Variants in PRKD1 observed in about 807,000 individuals in gnomAD.
PRKD1 encodes the protein serine/threonine-protein kinase D1.
A neutral mutation model predicts 95.9 loss-of-function variants in PRKD1; 63 were observed. That is an observed-to-expected ratio of 0.66 (90% confidence interval 0.54 to 0.81). PRKD1 has a LOEUF of 0.81. Among genes scored for constraint, PRKD1 ranks in the 30% least tolerant of loss-of-function variants. PRKD1 has a pLI of 0.00. For synonymous variants in PRKD1, 425 were observed against 423.1 expected, an observed-to-expected ratio of 1.00 and a Z score of -0.05; for missense variants, 1,048 against 1,165.3, an observed-to-expected ratio of 0.90 and a Z score of 1.47.
rs1394287125 is a variant in PRKD1 at position 29,702,605 on chromosome 14, A to G, written c.403+22931T>C. On this transcript the variant is annotated intron_variant, in intron 2 of 17. Coordinates refer to ENST00000331968, the MANE Select transcript of PRKD1 (RefSeq NM_002742.3). ...GAATTTTGCAATAATACATTTATGG[A>G]AACTGTACTACCCTTCACTTCTAGA... 2.0e-5 allele frequency among the ~76,000 whole-genome samples: 3 copies of G among 152,016 alleles called. No individual in the cohort carries two copies. In the East Asian group the frequency reaches 5.8e-4, roughly 29 times the overall value.
In PRKD1 at chr14:29,624,174, C is replaced by G. The variant is rs369851896; in HGVS notation, c.1883G>C (p.Arg628Pro). 3 of 1,604,194 alleles carry G rather than the reference C, an allele frequency of 1.9e-6. No individual in the cohort carries two copies. ...TACCTGTAGAATTGCAACCTCATTA[C>G]GAAGCTGGCTTTCTTGTTTTGTTGG... ...RFPTKQESQL[R>P]NEVAILQNLH... Residue 628 changes from arginine (R) to proline (P), a missense_variant, in exon 13 of 18, where the codon CGT becomes CCT. Coordinates refer to ENST00000331968, the MANE Select transcript of PRKD1 (RefSeq NM_002742.3).
intron 1 of PRKD1, among the ~76,000 whole-genome samples, chr14:29,886,710 G>T (rs887981051): frequency 6.6e-6 from 1 of 152,136 alleles, no homozygotes; most frequent in Non-Finnish European, 1.5e-5. Context: ...CAAGGTAGAC[G>T]GCAGGATGTC....
intron 2 of PRKD1, among the ~76,000 whole-genome samples, chr14:29,721,332 T>G (rs1406393187): frequency 6.6e-6 from 1 of 152,202 alleles, no homozygotes. Flanking sequence ...TAACCTTAAG[T>G]GTAAGAAGGA....
rs374836726 is a variant in PRKD1 at position 29,578,050 on chromosome 14, G to A, written c.2520+225C>T. 5.3e-5 allele frequency among the ~76,000 whole-genome samples: 8 copies of A among 152,096 alleles called. No individual in the cohort carries two copies. The East Asian group carries it at 7.7e-4, about 15-fold the overall frequency. On this transcript the variant is annotated intron_variant, in intron 17 of 17. Transcript: ENST00000331968. ...TTGGTTTTGGGCTGTGTGTGTGTGT[G>A]TATATGCGTGCGTGTATCTCTTCTA...
chr14:29,862,779 T>G (rs2810042), intron 1 of PRKD1, among the ~76,000 whole-genome samples: 1 of 152,282 alleles, frequency 6.6e-6, no homozygotes, highest in Non-Finnish European at 1.5e-5. Flanking sequence ...CTTTGTCAGA[T>G]GGGTCATTTG....
At chr14:29,808,795 A>C (rs1344443645) in intron 1 of PRKD1, among the ~76,000 whole-genome samples, 1 of 152,162 alleles carries the variant, frequency 6.6e-6, no homozygotes, top group African/African-American at 2.4e-5. Context: ...TAAGTGTTGG[A>C]ATCAACTTCT....
chr14:29,713,391 T>C (rs1335991775), intron 2 of PRKD1, among the ~76,000 whole-genome samples: 1 of 152,196 alleles, frequency 6.6e-6, no homozygotes, highest in African/African-American at 2.4e-5. Context: ...TCAAGGAATC[T>C]ACCAAAGAAA....
intron 1 of PRKD1, among the ~76,000 whole-genome samples, chr14:29,775,818 T>C (rs1230881243): frequency 6.6e-6 from 1 of 152,120 alleles, no homozygotes; most frequent in Non-Finnish European, 1.5e-5. Context: ...AGCATGGAGT[T>C]TGAGATCTGA....
intron 1 of PRKD1, among the ~76,000 whole-genome samples, chr14:29,737,997 A>T (rs1886808284): frequency 6.6e-6 from 1 of 152,224 alleles, no homozygotes; most frequent in African/African-American, 2.4e-5. Flanking sequence ...TATAGTTGTA[A>T]CAACAAAAAA....
At chr14:29,741,268 T>C (rs574396938) in intron 1 of PRKD1, among the ~76,000 whole-genome samples, 1 of 152,208 alleles carries the variant, frequency 6.6e-6, no homozygotes, top group African/African-American at 2.4e-5. Flanking sequence ...AAAATAAAAA[T>C]TAAAAAATAA....
At chr14:29,626,905 G>T (rs1021222791) in intron 11 of PRKD1, among the ~76,000 whole-genome samples, 41 of 151,880 alleles carry the variant, frequency 2.7e-4, no homozygotes, top group Non-Finnish European at 2.9e-5. Flanking sequence ...AGTAGAGATG[G>T]GGTTTCACCA....
intron 1 of PRKD1, among the ~76,000 whole-genome samples, chr14:29,881,226 T>C (rs1893499587): frequency 1.3e-5 from 2 of 152,280 alleles, no homozygotes; most frequent in African/African-American, 2.4e-5. Flanking sequence ...AATTGAATCC[T>C]GGGGACCGGT....
intron 1 of PRKD1, among the ~76,000 whole-genome samples, chr14:29,734,189 C>G (rs1173099002): frequency 1.3e-5 from 2 of 151,650 alleles, no homozygotes; most frequent in Admixed American, 6.6e-5. Context: ...ATTACAGGTG[C>G]CCACCACACG....
intron 16 of PRKD1, among the ~76,000 whole-genome samples, chr14:29,584,702 C>A (rs1209244080): frequency 6.6e-6 from 1 of 152,142 alleles, no homozygotes; most frequent in African/African-American, 2.4e-5. Flanking sequence ...ATATTGTATG[C>A]ATATGGTTTG....
At chr14:29,804,839 A>G (rs148445326) in intron 1 of PRKD1, among the ~76,000 whole-genome samples, 1 of 152,284 alleles carries the variant, frequency 6.6e-6, no homozygotes, top group African/African-American at 2.4e-5. Context: ...CTCCCAGTAG[A>G]CCTAAGCCGT....
In PRKD1 at chr14:29,898,284, CAA is replaced by C. The variant is rs1156713744; in HGVS notation, c.264+28963_264+28964del. Reference sequence around the variant, plus strand: ...TGATAATCATCTAAGCTTGAGTTAGCAAAAGAGTATACTTTTTAAAAAGAATA... The same window carrying C: ...TGATAATCATCTAAGCTTGAGTTAGCAAGAGTATACTTTTTAAAAAGAATA... On this transcript the variant is annotated intron_variant, in intron 1 of 17. Transcript: ENST00000331968. Among the ~76,000 whole-genome samples, 4 of 152,092 alleles carry C rather than the reference CAA, an allele frequency of 2.6e-5. No individual in the cohort carries two copies. In the East Asian group the frequency reaches 7.7e-4, roughly 29 times the overall value.
intron 1 of PRKD1, among the ~76,000 whole-genome samples, chr14:29,827,967 T>C (rs1318938109): frequency 6.6e-6 from 1 of 152,112 alleles, no homozygotes. Flanking sequence ...CTGCTTTTCC[T>C]TGGCCTCCTT....
intron 1 of PRKD1, among the ~76,000 whole-genome samples, chr14:29,727,457 G>T (rs1886216492): frequency 6.6e-6 from 1 of 151,634 alleles, no homozygotes; most frequent in African/African-American, 2.4e-5. Flanking sequence ...TTTTAGACAT[G>T]AAGTCCTTGC....
At position 29,576,707 on chromosome 14, in the gene PRKD1, T is replaced by C. The variant is rs1281420740; in HGVS notation, c.*531A>G. The C allele has an allele frequency of 5.9e-6, 1 of 168,572 alleles. No homozygotes were observed. The highest frequency in any genetic ancestry group is 2.4e-5 in the African/African-American group (1 of 41,794). The allele number at this position is 168,572 out of a possible 1,614,324, so 10.4% of individuals were successfully genotyped here. The stretch of plus-strand genomic sequence containing the variant: ...TGAGGCACACCAGGCAGGCAAAGGA[T>C]TCAAAACTATACATTAAAACTTGTT... On this transcript the variant is annotated 3_prime_UTR_variant, in exon 18 of 18. Coordinates refer to ENST00000331968, the MANE Select transcript of PRKD1 (RefSeq NM_002742.3).
Sources: gnomAD v4.1 joint callset for allele counts (sites outside exome capture counted in the v4.1 genomes callset) on GRCh38, gnomAD v4.1.1 for gene constraint, MANE v1.5 for transcripts, NCBI Gene and HGNC (gene_info 2026-07-23, HGNC 2026-07-21) for gene names.